ZNF737: variants seen among roughly 807,000 people sequenced by gnomAD.
ZNF737 encodes the protein zinc finger protein 102 (Y3).
Under a neutral mutation model 11.7 loss-of-function variants are expected in ZNF737, and 13 were observed. That is an observed-to-expected ratio of 1.11 (90% CI 0.73 to 1.77). ZNF737 has a LOEUF of 1.77. Among genes scored for constraint, ZNF737 ranks in the 40% most tolerant of loss-of-function variants. ZNF737 has a pLI of 0.00. For missense variants in ZNF737, 636 were observed against 638.0 expected (o/e 1.00, Z 0.03); for synonymous variants, 217 against 216.2 (o/e 1.00, Z -0.03).
intron 3 of ZNF737, among the ~76,000 whole-genome samples, chr19:20,547,969 AC>A (rs61182679): frequency 0.46 from 70,594 of 151,828 alleles, 16,638 homozygotes; most frequent in East Asian, 0.56. Context: ...TGGCCAACAC[AC>A]CATTTCTACT....
intron 1 of ZNF737, among the ~76,000 whole-genome samples, chr19:20,557,161 T>A (rs1229731621): frequency 6.6e-6 from 1 of 152,176 alleles, no homozygotes; most frequent in African/African-American, 2.4e-5. Flanking sequence ...TCTAAATAAA[T>A]GTCTCCGCAA....
rs782080333 is a variant in ZNF737 at position 20,545,176 on chromosome 19, A to G, written c.1027T>C (p.Cys343Arg). The G allele has an allele frequency of 1.9e-6, 3 of 1,613,780 alleles. No individual in the cohort carries two copies. ...RIHTGEKPYKCEECGRAFKYF... is the reference protein window; with the variant it reads ...RIHTGEKPYKREECGRAFKYF... ...TTAAAGGCTCTGCCACATTCTTCAC[A>G]TTTGTAGGGTTTCTCTCCAGTATGA... is the stretch of plus-strand genomic sequence containing the variant. The change falls in exon 4 of 4, where the codon TGT becomes CGT. Residue 343 changes from cysteine to arginine, a missense_variant. By Grantham distance (180) the Cys-to-Arg change is radical. Transcript: ENST00000427401.
intron 3 of ZNF737, among the ~76,000 whole-genome samples, chr19:20,550,645 C>T (rs1968628440): frequency 6.6e-6 from 1 of 152,144 alleles, no homozygotes; most frequent in African/African-American, 2.4e-5. Context: ...ATGACAGCTC[C>T]ATGGAACATT....
chr19:20,552,332 GAAAAA>G, intron 3 of ZNF737, 138 bp downstream of exon 3: 2 of 336,320 alleles, frequency 5.9e-6, no homozygotes, highest in Non-Finnish European at 4.9e-6. Context: ...ATTTAAAAAA[GAAAAA>G]AAAAAAAAAA....
intron 3 of ZNF737, among the ~76,000 whole-genome samples, chr19:20,551,861 C>T (rs2144653575): frequency 6.8e-6 from 1 of 147,630 alleles, no homozygotes; most frequent in East Asian, 2.0e-4. Context: ...CTATAGATTG[C>T]ATAAACGTCC....
rs782564318 is a variant in ZNF737 at position 20,542,664 on chromosome 19, G to T, written c.*1928C>A. The T allele has an allele frequency of 1.0e-6, 1 of 981,742 alleles. No individual in the cohort carries two copies. Among genetic ancestry groups the T allele is most frequent in the East Asian group, 1.1e-4 (1 of 8,804 alleles). The allele number at this position is 981,742 out of a possible 1,614,324, so 60.8% of individuals were successfully genotyped here. On this transcript the variant is annotated 3_prime_UTR_variant, in exon 4 of 4. Coordinates refer to ENST00000427401, the MANE Select transcript of ZNF737 (RefSeq NM_001159293.2). ...ATAAAGTATTGCTCTGAACATTTAC[G>T]TTATACATTACTTAATAGAATTTTA...
intron 3 of ZNF737, among the ~76,000 whole-genome samples, chr19:20,551,444 AAAAAAAG>A (rs1568431332): frequency 1.3e-5 from 2 of 150,716 alleles, no homozygotes; most frequent in Non-Finnish European, 3.0e-5. Flanking sequence ...AAAAAAAAAA[AAAAAAAG>A]AAAGAAAGAA....
chr19:20,534,525 G>A (rs1489051119), downstream of ZNF737, among the ~76,000 whole-genome samples: 1 of 149,884 alleles, frequency 6.7e-6, no homozygotes. Flanking sequence ...GTATTTTAGA[G>A]ATGTTAAGAA....
chr19:20,563,678 G>T (rs1316444375), intron 1 of ZNF737, among the ~76,000 whole-genome samples: 5 of 151,620 alleles, frequency 3.3e-5, no homozygotes, highest in African/African-American at 4.8e-5. Flanking sequence ...TAGAGATGGG[G>T]TTTCATCATG....
At position 20,544,739 on chromosome 19, in the gene ZNF737, C is replaced by CT. The variant is rs1447348770; in HGVS notation, c.1463dup (p.Ala489GlyfsTer3). 1 of 1,547,010 alleles carries CT rather than the reference C, an allele frequency of 6.5e-7. No homozygotes were observed. The highest frequency in any genetic ancestry group is 1.6e-5 in the African/African-American group (1 of 62,702). On this transcript the variant is annotated frameshift_variant, in exon 4 of 4. Transcript: ENST00000427401. LOFTEE classifies it low-confidence loss of function (END_TRUNC). ...TAAGGATAAAGGAGCGCTTAAAAGC[C>CT]TTGCCACATCGTTCACATTTGTAGG...
intron 1 of ZNF737, among the ~76,000 whole-genome samples, chr19:20,554,166 G>A (rs1437631133): frequency 5.3e-5 from 8 of 152,158 alleles, no homozygotes; most frequent in Non-Finnish European, 1.2e-4. Context: ...ACAAAGACAT[G>A]TTGAGTTTAG....
intron 1 of ZNF737, among the ~76,000 whole-genome samples, chr19:20,554,460 T>C (rs782412100): frequency 3.9e-5 from 6 of 152,288 alleles, no homozygotes; most frequent in Non-Finnish European, 7.4e-5. Flanking sequence ...CCAGATTAAA[T>C]GTGGTGGTTT....
chr19:20,541,237 GA>G lies in ZNF737; in HGVS notation c.*3354del. ...TTGTTGCAGTAATTGCTTTTATTCT[GA>G]AAATATGTACAAACCTATACTCACA... On this transcript the variant is annotated 3_prime_UTR_variant, in exon 4 of 4. Transcript: ENST00000427401. 2.0e-6 allele frequency: 2 copies of G among 984,318 alleles called. No homozygotes were observed. The highest frequency in any genetic ancestry group is 2.4e-6 in the Non-Finnish European group (2 of 829,064). The allele number at this position is 984,318 out of a possible 1,614,324, so 61.0% of individuals were successfully genotyped here.
At chr19:20,554,548 G>A (rs1483300230) in intron 1 of ZNF737, among the ~76,000 whole-genome samples, 2 of 152,208 alleles carry the variant, frequency 1.3e-5, no homozygotes, top group Non-Finnish European at 2.9e-5. Flanking sequence ...ATCTGTCACA[G>A]AGCTATTTAA....
At chr19:20,563,737 C>T (rs1423286680) in intron 1 of ZNF737, among the ~76,000 whole-genome samples, 2 of 152,062 alleles carry the variant, frequency 1.3e-5, no homozygotes, top group Non-Finnish European at 1.5e-5. Flanking sequence ...CCACTCACCT[C>T]GGCCTCCCAA....
intron 3 of ZNF737, among the ~76,000 whole-genome samples, chr19:20,547,348 T>G (rs953337855): frequency 7.7e-6 from 1 of 129,390 alleles, no homozygotes; most frequent in Middle Eastern, 5.6e-3. Flanking sequence ...GTCACTGCAC[T>G]CCAGCCAGGG....
downstream of ZNF737, among the ~76,000 whole-genome samples, chr19:20,533,963 A>G (rs1269764670): frequency 6.7e-6 from 1 of 150,118 alleles, no homozygotes; most frequent in African/African-American, 2.5e-5. Flanking sequence ...TGGGCTCATC[A>G]GTTGAGCTAA....
At position 20,541,975 on chromosome 19, in the gene ZNF737, T is replaced by G; in HGVS notation, c.*2617A>C. The stretch of plus-strand genomic sequence containing the variant: ...CATATTATATACCCACGAATACAAA[T>G]AAAAAATTTAAATAATAAAGAGTCA... On this transcript the variant is annotated 3_prime_UTR_variant, in exon 4 of 4. Transcript: ENST00000427401. 2 of 962,788 alleles carry G rather than the reference T, an allele frequency of 2.1e-6. No homozygotes were observed. The highest frequency in any genetic ancestry group is 9.6e-5 in the South Asian group (2 of 20,752). 59.6% of individuals were successfully genotyped at this position (962,788 alleles called of 1,614,324 possible). A position where few individuals can be genotyped will look rare whatever the true frequency, so the allele number is the denominator to read the frequency against.
intron 1 of ZNF737, 128 bp from the exon 2 acceptor site, chr19:20,553,963 T>TA: frequency 1.8e-6 from 2 of 1,111,978 alleles, no homozygotes; most frequent in Non-Finnish European, 2.5e-6. Context: ...AATTATCCAA[T>TA]AAAATAACTT....
Sources: allele counts gnomAD v4.1 joint callset (sites outside exome capture counted in the v4.1 genomes callset), GRCh38; gene constraint gnomAD v4.1.1; transcripts MANE v1.5; gene names NCBI Gene and HGNC (gene_info 2026-07-23, HGNC 2026-07-21).